Variants in ZZZ3 observed in about 807,000 individuals in gnomAD.
ZZZ3 encodes the protein ZZ-type zinc finger-containing protein 3.
Under a neutral mutation model 95.2 loss-of-function variants are expected in ZZZ3, and 22 were observed. The ratio of observed to expected loss-of-function variants is 0.23; its 90% CI spans 0.17 to 0.33. The LOEUF is 0.33. Among genes scored for constraint, ZZZ3 ranks in the 10% least tolerant of loss-of-function variants. The pLI, the probability that ZZZ3 is intolerant of heterozygous loss-of-function variation, is 1.00. For missense variants in ZZZ3, 885 were observed against 1,066.5 expected, an observed-to-expected ratio of 0.83 and a Z score of 2.37; for synonymous variants, 335 against 358.9, an observed-to-expected ratio of 0.93 and a Z score of 0.75.
At chr1:77,598,844 T>C (rs1664460495) in intron 5 of ZZZ3, among the ~76,000 whole-genome samples, 1 of 152,286 alleles carries the variant, frequency 6.6e-6, no homozygotes, top group South Asian at 2.1e-4. Flanking sequence ...GTAAAACCTT[T>C]CTCCAACAAA....
chr1:77,617,806 G>A (rs574034529), intron 5 of ZZZ3, among the ~76,000 whole-genome samples: 5 of 151,498 alleles, frequency 3.3e-5, no homozygotes, highest in South Asian at 4.2e-4. Context: ...TTAGCCAGGC[G>A]TGGTGACAAG....
At chr1:77,587,823 C>CA (rs1663254969) in intron 5 of ZZZ3, among the ~76,000 whole-genome samples, 1 of 152,224 alleles carries the variant, frequency 6.6e-6, no homozygotes, top group South Asian at 2.1e-4. Flanking sequence ...ATACCAACCC[C>CA]ACCTCTTCCT....
chr1:77,676,366 C>T (rs1016876594), intron 1 of ZZZ3, among the ~76,000 whole-genome samples: 4 of 152,188 alleles, frequency 2.6e-5, no homozygotes, highest in Non-Finnish European at 5.9e-5. Context: ...CGAGGTCACA[C>T]TATGTTGCCC....
At chr1:77,619,936 T>C (rs1302579227) in intron 5 of ZZZ3, among the ~76,000 whole-genome samples, 1 of 152,152 alleles carries the variant, frequency 6.6e-6, no homozygotes, top group East Asian at 1.9e-4. Context: ...TCTCTGACAT[T>C]TTCAAAGCAG....
Position 77,581,768 on chromosome 1 carries a change from C to T in ZZZ3, c.1908+8G>A. The T allele has an allele frequency of 6.2e-7, 1 of 1,600,334 alleles. No homozygotes were observed. The highest frequency in any genetic ancestry group is 8.5e-7 in the Non-Finnish European group (1 of 1,172,122). On this transcript the variant is annotated splice_region_variant and intron_variant, in intron 8 of 14. Coordinates refer to ENST00000370801, the MANE Select transcript of ZZZ3 (RefSeq NM_015534.6). ...AATTCTCCTACTCCAATATTTCACA[C>T]TGCTTACCTGAGGACGACTGCTTGA...
rs142832545 is a variant in ZZZ3, at chr1:77,632,050, T to C, written c.1305A>G (p.Gln435=). The C allele has an allele frequency of 1.1e-5, 17 of 1,614,158 alleles. No individual in the cohort carries two copies. In the African/African-American group the frequency reaches 1.2e-4, roughly 11 times the overall value. The change falls in exon 5 of 15, where the codon CAA becomes CAG. Residue 435 remains glutamine, a synonymous_variant. Transcript: ENST00000370801. ...AGTCACAACATATCCCTTTTTCATT[T>C]TGAGAAATTTCACCAGGATTTGTAG... ...QSPTNPGEIS[Q]NEKGICCDSQ... is the part of the protein sequence containing the mutation.
At chr1:77,636,990 T>G (rs983552106) in intron 4 of ZZZ3, among the ~76,000 whole-genome samples, 15 of 152,198 alleles carry the variant, frequency 9.9e-5, no homozygotes, top group African/African-American at 3.6e-4. Context: ...ATCCTTGTGG[T>G]ACCTCAGGCT....
At chr1:77,633,501 G>T in intron 4 of ZZZ3, 96 bp from the exon 5 acceptor site, 1 of 716,450 alleles carries the variant, frequency 1.4e-6, no homozygotes, top group African/African-American at 1.8e-5. Flanking sequence ...AAGTATACTT[G>T]GACATTACAG....
chr1:77,642,813 T>C (rs1198477147), intron 1 of ZZZ3, among the ~76,000 whole-genome samples: 3 of 152,168 alleles, frequency 2.0e-5, no homozygotes, highest in African/African-American at 7.2e-5. Context: ...TGGATAAAAC[T>C]TGTTATTAGG....
chr1:77,641,976 C>G (rs899987460), intron 1 of ZZZ3, among the ~76,000 whole-genome samples: 2 of 152,000 alleles, frequency 1.3e-5, no homozygotes, highest in Admixed American at 6.6e-5. Context: ...TTCCTTAAGT[C>G]TACAATTACT....
chr1:77,668,514 A>G (rs1430179443), intron 1 of ZZZ3, among the ~76,000 whole-genome samples: 3 of 152,182 alleles, frequency 2.0e-5, no homozygotes, highest in Non-Finnish European at 4.4e-5. Flanking sequence ...TACTCTCTAT[A>G]TAAGTAGAAA....
chr1:77,568,194 G>T, intron 13 of ZZZ3, 138 bp downstream of exon 13: 1 of 604,908 alleles, frequency 1.7e-6, no homozygotes, highest in Non-Finnish European at 2.7e-6. Flanking sequence ...CACGAGAATC[G>T]CTTGAACCCG....
Position 77,581,019 on chromosome 1 carries a change from C to T in ZZZ3, c.1959G>A (p.Gln653=), listed in dbSNP as rs1378653481. The T allele has an allele frequency of 6.2e-7, 1 of 1,614,084 alleles. No homozygotes were observed. Among genetic ancestry groups the T allele is most frequent in the Admixed American group, 1.7e-5 (1 of 60,026 alleles). ...TTACCTGTTCTTCAACAGTCCACAACTGGTTAAATGTTTCAGGTTTGGTAT... is the reference window on the plus strand; with the variant it reads ...TTACCTGTTCTTCAACAGTCCACAATTGGTTAAATGTTTCAGGTTTGGTAT... ...CDDTKPETFN[Q]LWTVEEQKKL... Residue 653 remains glutamine (Q), a synonymous_variant, in exon 9 of 15, where the codon CAG becomes CAA. Transcript: ENST00000370801.
At chr1:77,640,967 T>G (rs139449178) in intron 3 of ZZZ3, 3 of 152,268 alleles carry the variant, frequency 2.0e-5, no homozygotes, top group East Asian at 3.9e-4. Context: ...AGGAAAATTG[T>G]CTAATAACCA....
At chr1:77,659,155 T>C (rs1189119999) in intron 1 of ZZZ3, among the ~76,000 whole-genome samples, 1 of 151,976 alleles carries the variant, frequency 6.6e-6, no homozygotes, top group Non-Finnish European at 1.5e-5. Flanking sequence ...GAGGCGGAGG[T>C]TGCGGTGAGC....
At chr1:77,656,494 G>A (rs570433696) in intron 1 of ZZZ3, among the ~76,000 whole-genome samples, 18 of 152,196 alleles carry the variant, frequency 1.2e-4, no homozygotes, top group African/African-American at 3.1e-4. Flanking sequence ...TAAAGGAGAC[G>A]GATCAAGGTA....
intron 1 of ZZZ3, among the ~76,000 whole-genome samples, chr1:77,680,536 C>T (rs564445193): frequency 4.5e-4 from 68 of 152,260 alleles, no homozygotes; most frequent in African/African-American, 1.6e-3. Context: ...AAAGAGTGGA[C>T]AATTCTCTTA....
At chr1:77,576,863 G>A (rs1662012755) in intron 11 of ZZZ3, among the ~76,000 whole-genome samples, 3 of 152,126 alleles carry the variant, frequency 2.0e-5, no homozygotes, top group South Asian at 4.1e-4. Flanking sequence ...GGCCACATGT[G>A]GTACGTGGGT....
chr1:77,662,128 C>T (rs1670850327), intron 1 of ZZZ3, among the ~76,000 whole-genome samples: 1 of 152,062 alleles, frequency 6.6e-6, no homozygotes, highest in Non-Finnish European at 1.5e-5. Flanking sequence ...ATTCTTATGC[C>T]TCAGCCTCCC....
Sources: allele counts gnomAD v4.1 joint callset (sites outside exome capture counted in the v4.1 genomes callset), GRCh38; gene constraint gnomAD v4.1.1; transcripts MANE v1.5; gene names NCBI Gene and HGNC (gene_info 2026-07-23, HGNC 2026-07-21).